The following AMDHD2 variants were observed in gnomAD, a reference collection of about 807,000 sequenced individuals.
AMDHD2 encodes the protein amidohydrolase domain containing 2.
In AMDHD2, 24 loss-of-function variants were observed where a neutral mutation model predicts 41.8. That is an observed-to-expected ratio of 0.57 (90% CI 0.42 to 0.81). The LOEUF (loss-of-function observed/expected upper bound fraction) is 0.81, where lower values mean the gene tolerates loss of function less well. AMDHD2 is among the 30% of genes least tolerant of loss of function. AMDHD2 has a pLI of 0.00. For missense variants in AMDHD2, 540 were observed against 588.5 expected (o/e 0.92, Z 0.85); for synonymous variants, 332 against 255.5 (o/e 1.30, Z -2.85).
Position 2,530,682 on chromosome 16 carries a change from GAT to G in AMDHD2, c.*1121_*1122del, listed in dbSNP as rs745997670. On this transcript the variant is annotated 3_prime_UTR_variant, in exon 11 of 11. Transcript: ENST00000293971. ...AAGGAAATGTCTCCAGGTCCAAAGA[GAT>G]AGGATGGTCTGGGCCCCACCTGTTG... is the stretch of plus-strand genomic sequence containing the variant. 7 of 1,614,156 alleles carry G rather than the reference GAT, an allele frequency of 4.3e-6. No individual in the cohort carries two copies. The East Asian group carries it at 6.7e-5, about 15-fold the overall frequency.
chr16:2,525,647 C>T (rs1380632793), intron 3 of AMDHD2, among the ~76,000 whole-genome samples: 2 of 152,164 alleles, frequency 1.3e-5, no homozygotes, highest in African/African-American at 2.4e-5. Context: ...CAGGTTCACG[C>T]CATTCTCCTA....
Position 2,530,151 on chromosome 16 carries a change from C to G in AMDHD2, c.*588C>G. ...TGACCTCCAGGAGGGAGACTGGGCC[C>G]GGGACCCCTGTTTTCTGCTCCCTGG... On this transcript the variant is annotated 3_prime_UTR_variant, in exon 11 of 11. Coordinates refer to ENST00000293971, the MANE Select transcript of AMDHD2 (RefSeq NM_001330449.2). 7.0e-7 allele frequency: 1 copy of G among 1,424,082 alleles called. No homozygotes were observed. The highest frequency in any genetic ancestry group is 1.4e-5 in the African/African-American group (1 of 69,796). 88.2% of individuals were successfully genotyped at this position (1,424,082 alleles called of 1,614,324 possible).
rs771302957 is a variant in AMDHD2, at chr16:2,521,112, G to A, written c.349G>A (p.Val117Ile). 4 of 1,585,474 alleles carry A rather than the reference G, an allele frequency of 2.5e-6. No individual in the cohort carries two copies. The highest frequency in any genetic ancestry group is 1.4e-5 in the African/African-American group (1 of 74,030). The change falls in exon 3 of 11, where the codon GTT becomes ATT. Residue 117 changes from valine (V) to isoleucine (I), a missense_variant. By Grantham distance (29) the Val-to-Ile change is conservative. Coordinates refer to ENST00000293971, the MANE Select transcript of AMDHD2 (RefSeq NM_001330449.2). ...CACCCTGGTCACTTCCCCACCGGAG[G>A]TTTATCACAAGGTGAGGTGAGGCTC... ...CPTLVTSPPEVYHKVVPQIPV... is the reference protein window; with the variant it reads ...CPTLVTSPPEIYHKVVPQIPV...
chr16:2,522,092 T>C (rs1293376986), intron 3 of AMDHD2, among the ~76,000 whole-genome samples: 2 of 152,160 alleles, frequency 1.3e-5, no homozygotes, highest in Non-Finnish European at 1.5e-5. Flanking sequence ...CCAGTTTTTG[T>C]TATTTTTAAG....
chr16:2,526,137 G>A (rs989882615), intron 3 of AMDHD2, among the ~76,000 whole-genome samples: 10 of 151,858 alleles, frequency 6.6e-5, no homozygotes, highest in Non-Finnish European at 1.0e-4. Context: ...TCCTTTTCGA[G>A]GCTTGCCCAG....
In AMDHD2 at chr16:2,527,376, C is replaced by T. The variant is rs967420787; in HGVS notation, c.361-185C>T. Among the ~76,000 whole-genome samples the T allele has an allele frequency of 6.6e-6, 1 of 152,202 alleles. No individual in the cohort carries two copies. Among genetic ancestry groups the T allele is most frequent in the Admixed American group, 6.5e-5 (1 of 15,286 alleles). On this transcript the variant is annotated intron_variant, in intron 3 of 10. Coordinates refer to ENST00000293971, the MANE Select transcript of AMDHD2 (RefSeq NM_001330449.2). The surrounding 1 kb of genome is among the most constrained non-coding windows in gnomAD (Gnocchi z 6.1). Reference sequence around the variant, plus strand: ...CCCACACACCTATCATTTCTTCCTGCTCCTGCCATGGGTCCTTCAATTCTG... The same window carrying T: ...CCCACACACCTATCATTTCTTCCTGTTCCTGCCATGGGTCCTTCAATTCTG...
Position 2,528,680 on chromosome 16 carries a change from C to T in AMDHD2, c.1001C>T (p.Pro334Leu). ...AAGACGCTGAGTGGCAGCATAGCCC[C>T]AATGGACGTCTGTGTCCGGCACTTC... ...GTKTLSGSIA[P>L]MDVCVRHFLQ... Residue 334 changes from proline (P) to leucine (L), a missense_variant, in exon 9 of 11, where the codon CCA (proline) becomes CTA (leucine). Physicochemically the swap from Pro to Leu is moderately conservative, Grantham distance 98 (BLOSUM62 -3). Coordinates refer to ENST00000293971, the MANE Select transcript of AMDHD2 (RefSeq NM_001330449.2). 6.2e-7 allele frequency: 1 copy of T among 1,612,902 alleles called. No homozygotes were observed. The highest frequency in any genetic ancestry group is 1.1e-5 in the South Asian group (1 of 91,090).
chr16:2,529,289 C>T (rs2141913383), intron 10 of AMDHD2, 186 bp from the exon 11 acceptor site: 1 of 1,102,660 alleles, frequency 9.1e-7, no homozygotes, highest in Non-Finnish European at 1.3e-6. Context: ...GCAGACAAGG[C>T]CAGGCAAGGG....
Position 2,531,212 on chromosome 16 carries a change from G to A in AMDHD2, c.*1649G>A. 9.2e-7 allele frequency: 1 copy of A among 1,090,980 alleles called. No homozygotes were observed. The highest frequency in any genetic ancestry group is 1.3e-6 in the Non-Finnish European group (1 of 769,690). The allele number at this position is 1,090,980 out of a possible 1,614,324, so 67.6% of individuals were successfully genotyped here. On this transcript the variant is annotated 3_prime_UTR_variant, in exon 11 of 11. Transcript: ENST00000293971. ...GGCCAGCGCCCCACCTCCCTGGCTG[G>A]AGGGTCGGGGAGGGGCTGGCAGAGA...
Position 2,521,171 on chromosome 16 carries a change from C to T in AMDHD2, c.360+48C>T, listed in dbSNP as rs532533771. Reference sequence around the variant, plus strand: ...AGGTGGAGGGGGCTCCCGGAGCAACCAGCGCCCTCATTTTCAAACTCACGC... The same window carrying T: ...AGGTGGAGGGGGCTCCCGGAGCAACTAGCGCCCTCATTTTCAAACTCACGC... On this transcript the variant is annotated intron_variant, in intron 3 of 10. Coordinates refer to ENST00000293971, the MANE Select transcript of AMDHD2 (RefSeq NM_001330449.2). The T allele has an allele frequency of 4.7e-6, 7 of 1,500,448 alleles. No homozygotes were observed. In the African/African-American group the frequency reaches 9.9e-5, roughly 21 times the overall value. The allele number at this position is 1,500,448 out of a possible 1,614,324, so 92.9% of individuals were successfully genotyped here. A position where few individuals can be genotyped will look rare whatever the true frequency, so the allele number is the denominator to read the frequency against.
In AMDHD2 at chr16:2,530,376, T is replaced by C; in HGVS notation, c.*813T>C. 1.2e-6 allele frequency: 2 copies of C among 1,614,184 alleles called. No homozygotes were observed. Among genetic ancestry groups the C allele is most frequent in the Non-Finnish European group, 8.5e-7 (1 of 1,180,014 alleles). The stretch of plus-strand genomic sequence containing the variant: ...GCCATCTTCTGTGTCCCCTTGGCCC[T>C]GGCACACACCCATGTGGCAAACACG... On this transcript the variant is annotated 3_prime_UTR_variant, in exon 11 of 11. Transcript: ENST00000293971.
Position 2,530,317 on chromosome 16 carries a change from CAGTGTGCCCTGCTCACCCCATT to C in AMDHD2, c.*760_*781del. On this transcript the variant is annotated 3_prime_UTR_variant, in exon 11 of 11. Transcript: ENST00000293971. Reference sequence around the variant, plus strand: ...TGCTGGAGGGCAGTATGGGAGGCACCAGTGTGCCCTGCTCACCCCATTAGTGTCATCCTGCCATCTTCTGTGT... The same window carrying C: ...TGCTGGAGGGCAGTATGGGAGGCACCAGTGTCATCCTGCCATCTTCTGTGT... 1 of 1,614,078 alleles carries C rather than the reference CAGTGTGCCCTGCTCACCCCATT, an allele frequency of 6.2e-7. No homozygotes were observed. Among genetic ancestry groups the C allele is most frequent in the Non-Finnish European group, 8.5e-7 (1 of 1,179,998 alleles).
intron 3 of AMDHD2, among the ~76,000 whole-genome samples, chr16:2,525,207 C>T (rs923311682): frequency 1.3e-4 from 19 of 151,768 alleles, no homozygotes; most frequent in African/African-American, 4.4e-4. Flanking sequence ...CAAGCACCTG[C>T]CGCCATGCCC....
chr16:2,525,771 C>G (rs1367034618), intron 3 of AMDHD2, among the ~76,000 whole-genome samples: 1 of 152,178 alleles, frequency 6.6e-6, no homozygotes, highest in Non-Finnish European at 1.5e-5. Context: ...GTCTCGATCT[C>G]CTGACCTCGT....
chr16:2,521,764 CTTT>C (rs1283555541), intron 3 of AMDHD2, among the ~76,000 whole-genome samples: 3 of 124,384 alleles, frequency 2.4e-5, no homozygotes, highest in Admixed American at 7.8e-5. Flanking sequence ...ATCCAACATG[CTTT>C]TTTTTTTTGT....
rs112780189 is a variant in AMDHD2 at position 2,525,531 on chromosome 16, T to C, written c.361-2030T>C. Among the ~76,000 whole-genome samples the C allele has an allele frequency of 5.9e-5, 9 of 152,042 alleles. 1 individual carries two copies. Among genetic ancestry groups the C allele is most frequent in the African/African-American group, 2.2e-4 (9 of 41,454 alleles). The stretch of plus-strand genomic sequence containing the variant: ...ACAGGCGTGTGCCACTATGCCTGGC[T>C]AATTTATTTATTTTTATTTATTTAT... On this transcript the variant is annotated intron_variant, in intron 3 of 10. Transcript: ENST00000293971.
rs2066062392 is a variant in AMDHD2 at position 2,529,905 on chromosome 16, A to G, written c.*342A>G. The G allele has an allele frequency of 9.3e-7, 1 of 1,070,976 alleles. No individual in the cohort carries two copies. 66.3% of individuals were successfully genotyped at this position (1,070,976 alleles called of 1,614,324 possible). On this transcript the variant is annotated 3_prime_UTR_variant, in exon 11 of 11. Transcript: ENST00000293971. The stretch of plus-strand genomic sequence containing the variant: ...CATGAAGTGGACCGGAGACCTGCAG[A>G]CCCCAGGAAAGTGTCACTATGGGAG...
intron 10 of AMDHD2, 44 bp from the exon 11 acceptor site, chr16:2,529,431 C>T (rs374295000): frequency 1.3e-5 from 21 of 1,602,164 alleles, no homozygotes; most frequent in East Asian, 4.5e-5. Context: ...GGTAGGTGGG[C>T]GGCCCCACTC....
In AMDHD2 at chr16:2,530,798, C is replaced by T; in HGVS notation, c.*1235C>T. 6.2e-7 allele frequency: 1 copy of T among 1,613,682 alleles called. No homozygotes were observed. On this transcript the variant is annotated 3_prime_UTR_variant, in exon 11 of 11. Coordinates refer to ENST00000293971, the MANE Select transcript of AMDHD2 (RefSeq NM_001330449.2). ...GCAGGGCACAAGGGGTTGATCTCAGCCCACAAGCCCCAGGGGCAGCCCAGG... is the reference window on the plus strand; with the variant it reads ...GCAGGGCACAAGGGGTTGATCTCAGTCCACAAGCCCCAGGGGCAGCCCAGG...
Sources: allele counts gnomAD v4.1 joint callset (sites outside exome capture counted in the v4.1 genomes callset), GRCh38; gene constraint gnomAD v4.1.1; non-coding constraint Gnocchi (gnomAD v3.1); transcripts MANE v1.5; gene names NCBI Gene and HGNC (gene_info 2026-07-23, HGNC 2026-07-21).